Variants in AGBL1 observed in about 807,000 individuals in gnomAD.
AGBL1 encodes the protein cytosolic carboxypeptidase 4.
AGBL1 carries 130 observed loss-of-function variants against 118.9 expected under a neutral mutation model. The observed-to-expected ratio is 1.09, with a 90% CI of 0.95 to 1.26. The LOEUF (loss-of-function observed/expected upper bound fraction) is 1.26. AGBL1 is among the 50% of genes most tolerant of loss of function. The pLI is 0.00. For missense variants in AGBL1, 1,584 were observed against 1,298.1 expected, an observed-to-expected ratio of 1.22 and a Z score of -3.38; for synonymous variants, 555 against 478.9, an observed-to-expected ratio of 1.16 and a Z score of -2.08.
chr15:86,522,739 T>C, intron 18 of AGBL1, 71 bp from the exon 19 acceptor site: 1 of 1,538,562 alleles, frequency 6.5e-7, no homozygotes, highest in South Asian at 1.2e-5. Context: ...TTGTTTATCT[T>C]GTGGAGCTTT....
intron 22 of AGBL1, among the ~76,000 whole-genome samples, chr15:86,728,524 G>C (rs2086852424): frequency 6.6e-6 from 1 of 152,070 alleles, no homozygotes; most frequent in Non-Finnish European, 1.5e-5. Flanking sequence ...CATCTTTTCA[G>C]CTGCCTTTTT....
At chr15:86,688,755 T>A (rs529387335) in intron 22 of AGBL1, among the ~76,000 whole-genome samples, 1 of 152,154 alleles carries the variant, frequency 6.6e-6, no homozygotes, top group Non-Finnish European at 1.5e-5. Flanking sequence ...GAAATACTAA[T>A]TGGATGATTT....
intron 17 of AGBL1, among the ~76,000 whole-genome samples, chr15:86,366,902 G>A (rs1354858089): frequency 2.0e-5 from 3 of 152,116 alleles, no homozygotes; most frequent in African/African-American, 4.8e-5. Context: ...TAAGGTGTTC[G>A]CCTTGACCCC....
At chr15:86,266,904 AAAT>A (rs1368319269) in intron 12 of AGBL1, 83 bp from the exon 13 acceptor site, 3 of 1,196,188 alleles carry the variant, frequency 2.5e-6, no homozygotes, top group Admixed American at 2.0e-5. Flanking sequence ...TGTCTCAAAA[AAAT>A]AATAATGAAA....
intron 17 of AGBL1, among the ~76,000 whole-genome samples, chr15:86,332,000 A>G (rs562301243): frequency 4.3e-4 from 65 of 152,248 alleles, no homozygotes; most frequent in African/African-American, 1.5e-3. Flanking sequence ...AAAAACCAAG[A>G]CCCATCCATC....
intron 22 of AGBL1, among the ~76,000 whole-genome samples, chr15:86,786,502 A>C (rs1226518805): frequency 2.0e-5 from 3 of 152,230 alleles, no homozygotes; most frequent in Non-Finnish European, 4.4e-5. Flanking sequence ...TAATAGACAC[A>C]TACATACTTA....
chr15:86,414,793 G>GT (rs1320051565), intron 18 of AGBL1, among the ~76,000 whole-genome samples: 1 of 152,136 alleles, frequency 6.6e-6, no homozygotes, highest in Non-Finnish European at 1.5e-5. Context: ...TTTTAACTGA[G>GT]ATGCAGACAT....
At chr15:86,729,610 G>T (rs1372579833) in intron 22 of AGBL1, among the ~76,000 whole-genome samples, 1 of 152,180 alleles carries the variant, frequency 6.6e-6, no homozygotes, top group Non-Finnish European at 1.5e-5. Context: ...ACATGACTTT[G>T]TTCTTTTTTA....
chr15:86,410,839 T>TATATATATATATATATATATATATATAA (rs1311325970), intron 18 of AGBL1, among the ~76,000 whole-genome samples: 11 of 68,128 alleles, frequency 1.6e-4, no homozygotes, highest in Non-Finnish European at 2.7e-4. Flanking sequence ...TATATATATA[T>TATATATATATATATATATATATATATAA]ATAATATACT....
chr15:86,778,950 G>T (rs1596473336), intron 22 of AGBL1, among the ~76,000 whole-genome samples: 1 of 152,124 alleles, frequency 6.6e-6, no homozygotes, highest in Non-Finnish European at 1.5e-5. Flanking sequence ...TTAATTTGGG[G>T]AACTAATAAA....
chr15:86,722,875 T>C (rs1399671011), intron 22 of AGBL1, among the ~76,000 whole-genome samples: 1 of 152,152 alleles, frequency 6.6e-6, no homozygotes, highest in Non-Finnish European at 1.5e-5. Context: ...AAAGAAGACA[T>C]TTATGCAGCC....
At chr15:86,564,919 G>A (rs942125939) in intron 21 of AGBL1, among the ~76,000 whole-genome samples, 6 of 151,968 alleles carry the variant, frequency 3.9e-5, no homozygotes, top group African/African-American at 1.5e-4. Flanking sequence ...CCAGTTGATC[G>A]AATTGCCTAC....
intron 21 of AGBL1, among the ~76,000 whole-genome samples, chr15:86,659,624 G>T (rs1255468350): frequency 6.6e-6 from 1 of 152,042 alleles, no homozygotes; most frequent in Non-Finnish European, 1.5e-5. Flanking sequence ...TCAACCGTAA[G>T]ATCTAACCTG....
At chr15:86,171,963 T>C (rs372965606) in intron 5 of AGBL1, among the ~76,000 whole-genome samples, 2 of 152,334 alleles carry the variant, frequency 1.3e-5, no homozygotes, top group East Asian at 1.9e-4. Context: ...CATCTTATGT[T>C]CTCACTCGTA....
chr15:86,539,776 A>G (rs2083469986), intron 19 of AGBL1, among the ~76,000 whole-genome samples: 1 of 152,180 alleles, frequency 6.6e-6, no homozygotes, highest in Non-Finnish European at 1.5e-5. Flanking sequence ...CACATAGCAC[A>G]CTTCCAAGGT....
At chr15:86,162,504 C>G (rs2077281145) in intron 5 of AGBL1, among the ~76,000 whole-genome samples, 1 of 152,188 alleles carries the variant, frequency 6.6e-6, no homozygotes, top group South Asian at 2.1e-4. Context: ...AGCAATGTCA[C>G]TAACCCTCTG....
intron 23 of AGBL1, among the ~76,000 whole-genome samples, chr15:86,979,891 C>T (rs925297881): frequency 6.6e-5 from 10 of 152,120 alleles, no homozygotes; most frequent in African/African-American, 2.4e-4. Flanking sequence ...GTTTCCCTTT[C>T]CCATCCCATA....
At position 86,925,191 on chromosome 15, in the gene AGBL1, AAAG is replaced by A. The variant is rs1567243045; in HGVS notation, c.3222-62790_3222-62788del. Among the ~76,000 whole-genome samples, 12 of 103,978 alleles carry A rather than the reference AAAG, an allele frequency of 1.2e-4. 1 individual carries two copies. The highest frequency in any genetic ancestry group is 2.5e-4 in the East Asian group (1 of 3,952). The allele number at this position is 103,978 out of a possible 152,430, so 68.2% of individuals were successfully genotyped here. On this transcript the variant is annotated intron_variant, in intron 23 of 24. Transcript: ENST00000441037. ...AGGAAGAGGAAGAGGAAGAGGAAGA[AAAG>A]AAGAAAAGAAGAAGAAAAGAAGAAG...
chr15:86,473,745 G>A (rs1213993063), intron 18 of AGBL1, among the ~76,000 whole-genome samples: 1 of 152,102 alleles, frequency 6.6e-6, no homozygotes, highest in Non-Finnish European at 1.5e-5. Flanking sequence ...TGACTATGCT[G>A]TTTTTGGAAT....
Sources: allele counts gnomAD v4.1 joint callset (sites outside exome capture counted in the v4.1 genomes callset), GRCh38; gene constraint gnomAD v4.1.1; transcripts MANE v1.5; gene names NCBI Gene and HGNC (gene_info 2026-07-23, HGNC 2026-07-21).